Variants in LRRTM3 observed in about 807,000 individuals in gnomAD.
The protein encoded by LRRTM3 is leucine-rich repeat transmembrane neuronal protein 3.
Under a neutral mutation model 44.7 loss-of-function variants are expected in LRRTM3, and 24 were observed. That is an observed-to-expected ratio of 0.54 (90% CI 0.39 to 0.76). The LOEUF is 0.76. Ranked by LOEUF, LRRTM3 falls within the 30% of genes least tolerant of loss-of-function variation. LRRTM3 has a pLI of 0.00. For synonymous variants in LRRTM3, 277 were observed against 278.7 expected, an observed-to-expected ratio of 0.99 and a Z score of 0.06; for missense variants, 587 against 702.2, an observed-to-expected ratio of 0.84 and a Z score of 1.85.
chr10:67,091,498 A>G (rs563564732), intron 2 of LRRTM3, among the ~76,000 whole-genome samples: 313 of 152,150 alleles, frequency 2.1e-3, no homozygotes, highest in Middle Eastern at 3.4e-3. Context: ...CCCCCAAAAA[A>G]AGGAAAACAA....
intron 2 of LRRTM3, among the ~76,000 whole-genome samples, chr10:67,024,106 A>G (rs1438961439): frequency 1.3e-5 from 2 of 152,236 alleles, no homozygotes; most frequent in Non-Finnish European, 2.9e-5. Context: ...TCAAGTCAGC[A>G]GGACTGTGTT....
At chr10:67,058,697 T>C (rs1323743947) in intron 2 of LRRTM3, among the ~76,000 whole-genome samples, 1 of 152,138 alleles carries the variant, frequency 6.6e-6, no homozygotes, top group Non-Finnish European at 1.5e-5. Context: ...AACCACAGTA[T>C]ACAAGTAGTG....
Position 66,981,377 on chromosome 10 carries a change from A to C in LRRTM3, c.1536+52925A>C, listed in dbSNP as rs1850432221. On this transcript the variant is annotated intron_variant, in intron 2 of 2. Transcript: ENST00000361320. ...AACTTCATCAGCTCACTCAGGCATA[A>C]GTCACCCTGCATTCTGCACTCTTCT... Among the ~76,000 whole-genome samples, 3 of 152,230 alleles carry C rather than the reference A, an allele frequency of 2.0e-5. No individual in the cohort carries two copies. The South Asian group carries it at 6.2e-4, about 32-fold the overall frequency.
At chr10:67,002,882 A>T (rs1214911014) in intron 2 of LRRTM3, among the ~76,000 whole-genome samples, 4 of 152,234 alleles carry the variant, frequency 2.6e-5, no homozygotes, top group African/African-American at 7.2e-5. Flanking sequence ...CTAGGAAAGG[A>T]TAAAAACTTA....
chr10:67,090,125 T>C (rs1857543560), intron 2 of LRRTM3, among the ~76,000 whole-genome samples: 1 of 152,126 alleles, frequency 6.6e-6, no homozygotes. Context: ...CCAAAGGTCT[T>C]CCTGAACATT....
chr10:67,000,174 T>A (rs1288407706), intron 2 of LRRTM3, among the ~76,000 whole-genome samples: 1 of 152,182 alleles, frequency 6.6e-6, no homozygotes, highest in African/African-American at 2.4e-5. Context: ...AGACAGCTTT[T>A]AAGATTGCTA....
intron 2 of LRRTM3, among the ~76,000 whole-genome samples, chr10:67,072,629 G>C (rs948648646): frequency 2.6e-5 from 4 of 152,074 alleles, no homozygotes; most frequent in Non-Finnish European, 5.9e-5. Context: ...TCTTCCCCTT[G>C]TTTATCTATA....
Position 67,003,670 on chromosome 10 carries a change from A to G in LRRTM3, c.1536+75218A>G, listed in dbSNP as rs1424894840. ...TTCAAGTGAGTCTTATTAACATAAA[A>G]CTAGTGGCAAATATTTGGGTGTCCC... On this transcript the variant is annotated intron_variant, in intron 2 of 2. Transcript: ENST00000361320. Among the ~76,000 whole-genome samples, 3 of 152,288 alleles carry G rather than the reference A, an allele frequency of 2.0e-5. No homozygotes were observed. In the East Asian group the frequency reaches 5.8e-4, roughly 29 times the overall value.
At chr10:67,040,189 T>A (rs1199566824) in intron 2 of LRRTM3, among the ~76,000 whole-genome samples, 1 of 152,156 alleles carries the variant, frequency 6.6e-6, no homozygotes, top group Non-Finnish European at 1.5e-5. Context: ...AATGGTGCCC[T>A]TTAATGTTCT....
intron 2 of LRRTM3, among the ~76,000 whole-genome samples, chr10:67,031,208 T>C (rs1252419461): frequency 1.3e-5 from 2 of 152,186 alleles, no homozygotes; most frequent in Non-Finnish European, 2.9e-5. Flanking sequence ...TTGATATATA[T>C]GTCTATATAT....
intron 2 of LRRTM3, among the ~76,000 whole-genome samples, chr10:66,977,853 A>T (rs1258551536): frequency 6.6e-6 from 1 of 152,158 alleles, no homozygotes; most frequent in Non-Finnish European, 1.5e-5. Flanking sequence ...ATATGTCTGG[A>T]TCACTTGTGC....
At chr10:67,037,519 GATC>G (rs1854136763) in intron 2 of LRRTM3, among the ~76,000 whole-genome samples, 1 of 152,140 alleles carries the variant, frequency 6.6e-6, no homozygotes, top group South Asian at 2.1e-4. Flanking sequence ...GTAGAGGAGT[GATC>G]ATCATATCTG....
At chr10:67,045,357 A>G (rs1854662040) in intron 2 of LRRTM3, among the ~76,000 whole-genome samples, 1 of 152,146 alleles carries the variant, frequency 6.6e-6, no homozygotes, top group Non-Finnish European at 1.5e-5. Flanking sequence ...GAAACCCTGG[A>G]GGTCACCAAA....
intron 2 of LRRTM3, among the ~76,000 whole-genome samples, chr10:67,058,758 G>A (rs1477048069): frequency 2.0e-5 from 3 of 152,104 alleles, no homozygotes; most frequent in Non-Finnish European, 4.4e-5. Flanking sequence ...CTAAGGAATC[G>A]TGACTAGACT....
At chr10:67,040,241 C>G (rs1156902134) in intron 2 of LRRTM3, among the ~76,000 whole-genome samples, 1 of 152,082 alleles carries the variant, frequency 6.6e-6, no homozygotes, top group East Asian at 1.9e-4. Context: ...TTTGCTCGGT[C>G]TACATGTGAT....
rs1856672871 is a variant in LRRTM3, at chr10:67,074,987, T to G, written c.1537-22600T>G. Among the ~76,000 whole-genome samples, 7 of 152,180 alleles carry G rather than the reference T, an allele frequency of 4.6e-5. No homozygotes were observed. The South Asian group carries it at 1.4e-3, about 32-fold the overall frequency. On this transcript the variant is annotated intron_variant, in intron 2 of 2. Coordinates refer to ENST00000361320, the MANE Select transcript of LRRTM3 (RefSeq NM_178011.5). Reference sequence around the variant, plus strand: ...TATTAAGCAATATCTGTGTAATTGATTCTCTCTCTTTTGGTACTTAAAGAT... The same window carrying G: ...TATTAAGCAATATCTGTGTAATTGAGTCTCTCTCTTTTGGTACTTAAAGAT...
intron 2 of LRRTM3, among the ~76,000 whole-genome samples, chr10:67,095,880 A>G (rs1857959717): frequency 6.6e-6 from 1 of 151,862 alleles, no homozygotes; most frequent in Non-Finnish European, 1.5e-5. Context: ...ATAAAAATGT[A>G]TTTTAGTTAT....
rs774659352 is a variant in LRRTM3, at chr10:66,927,663, C to CGG, written c.747_748insGG (p.Trp250GlyfsTer76). 1 of 1,614,032 alleles carries CGG rather than the reference C, an allele frequency of 6.2e-7. No individual in the cohort carries two copies. The highest frequency in any genetic ancestry group is 1.3e-5 in the African/African-American group (1 of 74,908). On this transcript the variant is annotated frameshift_variant, in exon 2 of 3. Transcript: ENST00000361320. LOFTEE classifies it high-confidence loss of function. This position sits in a 1 kb window ranked among gnomAD's most constrained non-coding sequence, Gnocchi z 4.7. Reference sequence around the variant, plus strand: ...TCAGTGTCATAGGACAGACCATGTCCTGGACCTGGAGCTCCTTACAAAGGC... The same window carrying CGG: ...TCAGTGTCATAGGACAGACCATGTCCGGTGGACCTGGAGCTCCTTACAAAGGC...
chr10:66,941,420 G>A (rs1382678901), intron 2 of LRRTM3, among the ~76,000 whole-genome samples: 2 of 152,160 alleles, frequency 1.3e-5, no homozygotes. Flanking sequence ...GAATATCTTA[G>A]GTTCCTCTCA....
Sources: gnomAD v4.1 joint callset for allele counts (sites outside exome capture counted in the v4.1 genomes callset) on GRCh38, gnomAD v4.1.1 for gene constraint, Gnocchi (gnomAD v3.1) non-coding constraint, MANE v1.5 for transcripts, NCBI Gene and HGNC (gene_info 2026-07-23, HGNC 2026-07-21) for gene names.